The following SGCZ variants were observed in gnomAD, a reference collection of about 807,000 sequenced individuals.
SGCZ encodes the protein zeta-sarcoglycan.
In SGCZ, 40 loss-of-function variants were observed where a neutral mutation model predicts 41.3. The ratio of observed to expected loss-of-function variants is 0.97; its 90% CI spans 0.75 to 1.26. The LOEUF (loss-of-function observed/expected upper bound fraction) is 1.26. SGCZ is among the 50% of genes most tolerant of loss of function. The pLI is 0.00. For missense variants in SGCZ, 552 were observed against 369.8 expected, an observed-to-expected ratio of 1.49 and a Z score of -4.04; for synonymous variants, 206 against 137.5, an observed-to-expected ratio of 1.50 and a Z score of -3.49.
chr8:14,801,190 G>C (rs1031271998), intron 1 of SGCZ, among the ~76,000 whole-genome samples: 25 of 152,278 alleles, frequency 1.6e-4, no homozygotes, highest in African/African-American at 5.3e-4. Context: ...TTTGTGTTGT[G>C]TGTGTATGTG....
intron 1 of SGCZ, among the ~76,000 whole-genome samples, chr8:14,822,242 G>C (rs939884879): frequency 2.0e-5 from 3 of 152,012 alleles, no homozygotes; most frequent in African/African-American, 7.3e-5. Context: ...ATTTCTGATA[G>C]CTACAAAAAA....
At chr8:14,523,489 C>T (rs376237481) in intron 2 of SGCZ, among the ~76,000 whole-genome samples, 1 of 151,994 alleles carries the variant, frequency 6.6e-6, no homozygotes, top group East Asian at 1.9e-4. Context: ...AAATACTATA[C>T]CACTTTCTCC....
chr8:14,762,667 A>G (rs1799926619), intron 1 of SGCZ, among the ~76,000 whole-genome samples: 1 of 152,224 alleles, frequency 6.6e-6, no homozygotes, highest in Non-Finnish European at 1.5e-5. Context: ...GGAAATTTCT[A>G]TCCTATGATT....
chr8:14,508,639 T>G (rs1446226411), intron 2 of SGCZ, among the ~76,000 whole-genome samples: 1 of 152,144 alleles, frequency 6.6e-6, no homozygotes, highest in Admixed American at 6.5e-5. Flanking sequence ...TCGGTGGCAT[T>G]CCATCAAAAA....
chr8:14,965,853 T>G (rs1224264163), intron 1 of SGCZ, among the ~76,000 whole-genome samples: 1 of 151,998 alleles, frequency 6.6e-6, no homozygotes, highest in African/African-American at 2.4e-5. Context: ...GCAAATCTAA[T>G]AATAATAGGA....
chr8:14,407,173 A>G (rs1406902564), intron 2 of SGCZ, among the ~76,000 whole-genome samples: 1 of 140,992 alleles, frequency 7.1e-6, no homozygotes, highest in African/African-American at 2.6e-5. Flanking sequence ...GGTTCAAGCT[A>G]TTCTCCTGCC....
intron 1 of SGCZ, among the ~76,000 whole-genome samples, chr8:15,198,327 A>G (rs1483816146): frequency 6.6e-6 from 1 of 151,964 alleles, no homozygotes; most frequent in Non-Finnish European, 1.5e-5. Flanking sequence ...ATATCTCAAC[A>G]AGGGAAAACA....
intron 1 of SGCZ, among the ~76,000 whole-genome samples, chr8:15,208,617 A>C (rs1034624958): frequency 1.3e-5 from 2 of 152,142 alleles, no homozygotes; most frequent in Non-Finnish European, 2.9e-5. Flanking sequence ...AAAAGTCTGT[A>C]AGGTAGGAAT....
chr8:14,519,555 A>G (rs1802726772), intron 2 of SGCZ, among the ~76,000 whole-genome samples: 3 of 152,132 alleles, frequency 2.0e-5, no homozygotes, highest in Non-Finnish European at 2.9e-5. Context: ...TAGTTTTCTG[A>G]AAAATCTTCT....
At chr8:14,484,332 C>G (rs1472138834) in intron 2 of SGCZ, among the ~76,000 whole-genome samples, 1 of 151,986 alleles carries the variant, frequency 6.6e-6, no homozygotes, top group South Asian at 2.1e-4. Flanking sequence ...TAAGTGCAAA[C>G]GATGCAAGTT....
chr8:14,295,979 G>A (rs1476889672), intron 3 of SGCZ, among the ~76,000 whole-genome samples: 2 of 152,156 alleles, frequency 1.3e-5, no homozygotes, highest in Non-Finnish European at 2.9e-5. Flanking sequence ...AGCTACTGGA[G>A]AACTGTGAGG....
chr8:14,790,211 T>C (rs1800903369), intron 1 of SGCZ, among the ~76,000 whole-genome samples: 1 of 152,166 alleles, frequency 6.6e-6, no homozygotes. Context: ...TCCTTAAATA[T>C]ATCATTTACA....
intron 1 of SGCZ, among the ~76,000 whole-genome samples, chr8:14,689,169 A>G (rs1808718242): frequency 6.6e-6 from 1 of 152,118 alleles, no homozygotes. Flanking sequence ...TGAGATGAAT[A>G]TCAAAAGAAA....
At chr8:15,189,162 T>G (rs939214554) in intron 1 of SGCZ, among the ~76,000 whole-genome samples, 4 of 152,276 alleles carry the variant, frequency 2.6e-5, no homozygotes, top group Non-Finnish European at 4.4e-5. Context: ...TTCCTTCAGT[T>G]TAGCAGTAAT....
intron 3 of SGCZ, among the ~76,000 whole-genome samples, chr8:14,243,145 C>G (rs1217420101): frequency 1.3e-5 from 2 of 152,200 alleles, no homozygotes; most frequent in Non-Finnish European, 2.9e-5. Flanking sequence ...GCAAATCTCC[C>G]TACTTGGTAT....
Position 14,827,989 on chromosome 8 carries a change from T to G in SGCZ, c.40-273063A>C, listed in dbSNP as rs568693671. ...TGTTCAAAAATTTTTTGCACCAAAATAAACTCGTACTACTTGTTTAACATG... is the reference window on the plus strand; with the variant it reads ...TGTTCAAAAATTTTTTGCACCAAAAGAAACTCGTACTACTTGTTTAACATG... On this transcript the variant is annotated intron_variant, in intron 1 of 7. Coordinates refer to ENST00000382080, the MANE Select transcript of SGCZ (RefSeq NM_139167.4). Among the ~76,000 whole-genome samples, 4 of 152,296 alleles carry G rather than the reference T, an allele frequency of 2.6e-5. No homozygotes were observed. In the East Asian group the frequency reaches 7.7e-4, roughly 29 times the overall value.
chr8:14,865,292 AG>A (rs2130689446), intron 1 of SGCZ, among the ~76,000 whole-genome samples: 1 of 152,040 alleles, frequency 6.6e-6, no homozygotes, highest in South Asian at 2.1e-4. Context: ...TGGAACTCTC[AG>A]ACCATATCCC....
At chr8:14,422,027 T>A (rs929757319) in intron 2 of SGCZ, among the ~76,000 whole-genome samples, 1 of 152,110 alleles carries the variant, frequency 6.6e-6, no homozygotes, top group African/African-American at 2.4e-5. Flanking sequence ...GCAACTTATA[T>A]GGGTTTAATT....
chr8:15,011,065 C>T (rs73665366), intron 1 of SGCZ, among the ~76,000 whole-genome samples: 16,620 of 152,098 alleles, frequency 0.11, 1,387 homozygotes, highest in East Asian at 0.24. Flanking sequence ...CTTTAAATTT[C>T]CAAAATGGAC....
Sources: allele counts gnomAD v4.1 joint callset (sites outside exome capture counted in the v4.1 genomes callset), GRCh38; gene constraint gnomAD v4.1.1; transcripts MANE v1.5; gene names NCBI Gene and HGNC (gene_info 2026-07-23, HGNC 2026-07-21).